ZBTB7C: variants seen among roughly 807,000 people sequenced by gnomAD.
ZBTB7C encodes zinc finger and BTB domain containing 7C, also known as zinc finger and BTB domain-containing protein 7C.
In ZBTB7C, 8 loss-of-function variants were observed where a neutral mutation model predicts 25.7. The ratio of observed to expected loss-of-function variants is 0.31; its 90% confidence interval spans 0.18 to 0.56. The LOEUF (loss-of-function observed/expected upper bound fraction) is 0.56. Among genes scored for constraint, ZBTB7C ranks in the 20% least tolerant of loss-of-function variants. The pLI is 0.91. For missense variants in ZBTB7C, 824 were observed against 855.2 expected (o/e 0.96, Z 0.46); for synonymous variants, 394 against 369.0 (o/e 1.07, Z -0.78).
intron 2 of ZBTB7C, among the ~76,000 whole-genome samples, chr18:48,216,041 TATA>T (rs1356085494): frequency 6.6e-6 from 1 of 151,984 alleles, no homozygotes; most frequent in East Asian, 1.9e-4. Context: ...AGGAGGAGAG[TATA>T]ATAAGGCGTG....
chr18:48,259,047 T>G (rs916715379), intron 2 of ZBTB7C, among the ~76,000 whole-genome samples: 8 of 152,022 alleles, frequency 5.3e-5, no homozygotes, highest in Admixed American at 6.5e-5. Context: ...CCTCCCAGGT[T>G]TAAGCGATTC....
At chr18:48,035,732 C>T (rs2035943580) in intron 4 of ZBTB7C, among the ~76,000 whole-genome samples, 1 of 152,250 alleles carries the variant, frequency 6.6e-6, no homozygotes, top group Admixed American at 6.5e-5. Flanking sequence ...CACATGCTCC[C>T]TGTTCTTCTA....
At chr18:48,210,549 G>C (rs1169645419) in intron 2 of ZBTB7C, among the ~76,000 whole-genome samples, 1 of 152,158 alleles carries the variant, frequency 6.6e-6, no homozygotes, top group Non-Finnish European at 1.5e-5. Context: ...CAAAGTGAAA[G>C]AAGCCAGCCA....
At chr18:48,348,479 CCTGA>C (rs1185437459) in intron 1 of ZBTB7C, among the ~76,000 whole-genome samples, 1 of 152,212 alleles carries the variant, frequency 6.6e-6, no homozygotes, top group Non-Finnish European at 1.5e-5. Context: ...ACCATGACTG[CCTGA>C]CTGTTTTGTT....
intron 1 of ZBTB7C, among the ~76,000 whole-genome samples, chr18:48,362,422 G>C (rs1048500272): frequency 6.6e-6 from 1 of 152,176 alleles, no homozygotes; most frequent in Admixed American, 6.5e-5. Context: ...TCATGAATGG[G>C]ACTAGTGCCC....
chr18:48,340,113 T>C (rs1382834098), intron 1 of ZBTB7C, among the ~76,000 whole-genome samples: 1 of 152,230 alleles, frequency 6.6e-6, no homozygotes, highest in Non-Finnish European at 1.5e-5. Context: ...GTCTGCCCAT[T>C]TGACGAAAGA....
At chr18:48,041,242 GTCC>G in intron 3 of ZBTB7C, 119 bp from the exon 4 acceptor site, 1 of 1,431,464 alleles carries the variant, frequency 7.0e-7, no homozygotes, top group Non-Finnish European at 9.1e-7. Flanking sequence ...TGCAAGGCCA[GTCC>G]TCCTACCTCT....
intron 3 of ZBTB7C, among the ~76,000 whole-genome samples, chr18:48,072,170 G>A (rs1351680534): frequency 2.0e-5 from 3 of 152,214 alleles, no homozygotes; most frequent in Non-Finnish European, 2.9e-5. Context: ...TATGAGGAAA[G>A]CATTTGACCA....
chr18:48,377,979 C>T (rs1457000713), intron 1 of ZBTB7C, among the ~76,000 whole-genome samples: 1 of 152,148 alleles, frequency 6.6e-6, no homozygotes, highest in African/African-American at 2.4e-5. Context: ...CAAGACCAGC[C>T]TGTCTCTACT....
chr18:48,360,265 G>A lies in ZBTB7C; in HGVS notation c.-303-21867C>T, dbSNP rs185173177. Among the ~76,000 whole-genome samples, 407 of 152,358 alleles carry A rather than the reference G, an allele frequency of 2.7e-3. 2 individuals are homozygous for A. The highest frequency in any genetic ancestry group is 6.8e-3 in the Middle Eastern group (2 of 294). ...CAGACTTGAGAGCAATAGCATGGAA[G>A]AGAAAATGCGTAACCGAACTGCGGA... On this transcript the variant is annotated intron_variant, in intron 1 of 4. Transcript: ENST00000590800.
chr18:48,077,959 C>T (rs1460609906), intron 3 of ZBTB7C, among the ~76,000 whole-genome samples: 2 of 123,380 alleles, frequency 1.6e-5, no homozygotes, highest in African/African-American at 6.1e-5. Context: ...GCCCAGGGCA[C>T]ATGAGGGAGA....
intron 3 of ZBTB7C, 67 bp from the exon 4 acceptor site, chr18:48,041,190 G>A: frequency 6.7e-7 from 1 of 1,499,388 alleles, no homozygotes; most frequent in Admixed American, 2.1e-5. Flanking sequence ...CTCAACTCTA[G>A]GACTCTGAGC....
At chr18:48,055,445 G>A (rs1013781317) in intron 3 of ZBTB7C, among the ~76,000 whole-genome samples, 5 of 150,784 alleles carry the variant, frequency 3.3e-5, no homozygotes, top group African/African-American at 9.7e-5. Flanking sequence ...AACCAAGTAC[G>A]GGCTGGGTGC....
chr18:48,192,479 T>C (rs1324498018), intron 2 of ZBTB7C, among the ~76,000 whole-genome samples: 1 of 152,226 alleles, frequency 6.6e-6, no homozygotes. Context: ...TATTTTATTG[T>C]TTGAGATGGA....
chr18:48,383,529 G>A (rs900825492), intron 1 of ZBTB7C, among the ~76,000 whole-genome samples: 1 of 152,200 alleles, frequency 6.6e-6, no homozygotes, highest in African/African-American at 2.4e-5. Context: ...GCCTCCCAAA[G>A]TGCTGGGATT....
At chr18:48,389,216 C>CG (rs1568418092) in intron 1 of ZBTB7C, among the ~76,000 whole-genome samples, 24 of 126,686 alleles carry the variant, frequency 1.9e-4, no homozygotes, top group African/African-American at 5.3e-4. Flanking sequence ...CTCTCTCTCT[C>CG]TCTCTCTCTC....
chr18:48,035,221 CG>C (rs2035920372), intron 4 of ZBTB7C, among the ~76,000 whole-genome samples: 1 of 152,226 alleles, frequency 6.6e-6, no homozygotes, highest in African/African-American at 2.4e-5. Context: ...CGGGGTTCAG[CG>C]GAACTGGAAA....
chr18:48,323,537 G>A (rs2046146003), intron 2 of ZBTB7C, among the ~76,000 whole-genome samples: 1 of 152,180 alleles, frequency 6.6e-6, no homozygotes, highest in South Asian at 2.1e-4. Flanking sequence ...CCTTAAAGCT[G>A]AGGGTGGGCC....
intron 3 of ZBTB7C, among the ~76,000 whole-genome samples, chr18:48,101,477 C>CT (rs1179224148): frequency 6.6e-6 from 1 of 152,078 alleles, no homozygotes; most frequent in Admixed American, 6.5e-5. Flanking sequence ...TTTGATATTG[C>CT]TTTTTTCACA....
Sources: gnomAD v4.1 joint callset for allele counts (sites outside exome capture counted in the v4.1 genomes callset) on GRCh38, gnomAD v4.1.1 for gene constraint, MANE v1.5 for transcripts, NCBI Gene and HGNC (gene_info 2026-07-23, HGNC 2026-07-21) for gene names.